Variants in MUC7 observed in about 807,000 individuals in gnomAD.
MUC7 encodes mucin 7, secreted.
MUC7 carries 2 observed loss-of-function variants against 2.5 expected under a neutral mutation model. That is an observed-to-expected ratio of 0.81 (90% CI 0.33 to 2.55). The LOEUF is 2.55. Ranked by LOEUF, MUC7 falls within the 30% of genes most tolerant of loss-of-function variation. MUC7 has a pLI of 0.11. For missense variants in MUC7, 408 were observed against 455.6 expected (o/e 0.90, Z 0.95); for synonymous variants, 133 against 173.4 (o/e 0.77, Z 1.83).
chr4:70,444,566 G>T (rs561326437), intron 1 of MUC7, among the ~76,000 whole-genome samples: 1 of 152,252 alleles, frequency 6.6e-6, no homozygotes, highest in South Asian at 2.1e-4. Context: ...TGAAATGGTC[G>T]CTTCTGACAC....
At chr4:70,470,086 G>A (rs11249501), upstream of MUC7, among the ~76,000 whole-genome samples, 51,280 of 152,040 alleles carry the variant, frequency 0.34, 9,609 homozygotes, top group Admixed American at 0.43. Context: ...CATAAAAAAG[G>A]ATGAGTTCAT....
rs930322414 is a variant in MUC7, at chr4:70,455,191, A to T, written c.-92-17024A>T. On this transcript the variant is annotated intron_variant, in intron 1 of 3. Transcript: ENST00000413702. ...GAAGCATATATTGTCTTCCACAACA[A>T]TTAAGAGTGAGCCCCCTCTGTGTCT... Among the ~76,000 whole-genome samples the T allele has an allele frequency of 2.6e-5, 4 of 152,262 alleles. No homozygotes were observed. The South Asian group carries it at 8.3e-4, about 32-fold the overall frequency.
At chr4:70,444,861 G>A (rs1386911184) in intron 1 of MUC7, among the ~76,000 whole-genome samples, 1 of 152,086 alleles carries the variant, frequency 6.6e-6, no homozygotes, top group Non-Finnish European at 1.5e-5. Flanking sequence ...AGACCAGCCT[G>A]GCCAACATGG....
chr4:70,466,561 G>A (rs1057157932), intron 1 of MUC7, among the ~76,000 whole-genome samples: 2 of 151,570 alleles, frequency 1.3e-5, no homozygotes, highest in Admixed American at 6.6e-5. Context: ...AGACATGGAG[G>A]AATGTTTACC....
At position 70,460,493 on chromosome 4, in the gene MUC7, G is replaced by C. The variant is rs143406828; in HGVS notation, c.-92-11722G>C. Among the ~76,000 whole-genome samples the C allele has an allele frequency of 5.4e-3, 818 of 150,726 alleles. 9 individuals carry two copies. Among genetic ancestry groups the C allele is most frequent in the African/African-American group, 0.019 (771 of 41,078 alleles). The stretch of plus-strand genomic sequence containing the variant: ...TTCTTTTTTTTTTTTGAGATGGAGT[G>C]GGGGATGGAATCTCACTCTCCACTT... On this transcript the variant is annotated intron_variant, in intron 1 of 3. Transcript: ENST00000413702.
intron 2 of MUC7, among the ~76,000 whole-genome samples, chr4:70,476,218 T>G (rs1057145817): frequency 6.6e-6 from 1 of 152,242 alleles, no homozygotes; most frequent in Non-Finnish European, 1.5e-5. Flanking sequence ...GATAAGGCTT[T>G]AAGTTCTGAA....
At chr4:70,435,183 G>A (rs556562358) in intron 1 of MUC7, among the ~76,000 whole-genome samples, 1 of 152,314 alleles carries the variant, frequency 6.6e-6, no homozygotes, top group African/African-American at 2.4e-5. Context: ...TGTATATTCT[G>A]TTGACTTGGG....
Position 70,476,485 on chromosome 4 carries a change from G to A in MUC7, c.54+2410G>A, listed in dbSNP as rs370642461. Among the ~76,000 whole-genome samples, 77 of 152,262 alleles carry A rather than the reference G, an allele frequency of 5.1e-4. 2 individuals are homozygous for A. The South Asian group carries it at 0.016, about 31-fold the overall frequency. On this transcript the variant is annotated intron_variant, in intron 2 of 2. Coordinates refer to ENST00000304887, the MANE Select transcript of MUC7 (RefSeq NM_152291.3). ...TGCCCAAATCTCAAAAAAGTGCCTG[G>A]TGAGAGAAAGAGTTTCCAAAGAACT...
intron 1 of MUC7, 108 bp downstream of exon 1, chr4:70,472,399 T>C (rs558094220): frequency 6.6e-6 from 1 of 152,352 alleles, no homozygotes; most frequent in South Asian, 2.1e-4. Flanking sequence ...TTCTCCTCTC[T>C]TCTTATGAAC....
intron 1 of MUC7, among the ~76,000 whole-genome samples, chr4:70,449,442 G>A (rs1413123319): frequency 6.6e-6 from 1 of 152,032 alleles, no homozygotes; most frequent in African/African-American, 2.4e-5. Context: ...AACAGTATGG[G>A]GAAAACCACC....
chr4:70,435,578 G>A (rs760527615), intron 1 of MUC7, among the ~76,000 whole-genome samples: 13 of 152,142 alleles, frequency 8.5e-5, no homozygotes, highest in Admixed American at 5.2e-4. Flanking sequence ...CAACTCTGTA[G>A]TTTGAACCTA....
intron 1 of MUC7, among the ~76,000 whole-genome samples, chr4:70,452,390 T>C (rs1734300762): frequency 6.6e-6 from 1 of 152,200 alleles, no homozygotes; most frequent in Admixed American, 6.5e-5. Flanking sequence ...TATGTTTTCA[T>C]TTCTTGCTCC....
intron 1 of MUC7, among the ~76,000 whole-genome samples, chr4:70,456,681 T>C (rs1389294701): frequency 3.9e-5 from 6 of 152,156 alleles, no homozygotes; most frequent in Non-Finnish European, 7.4e-5. Flanking sequence ...AGCTACCTCC[T>C]TTGACACATG....
intron 1 of MUC7, among the ~76,000 whole-genome samples, chr4:70,452,625 T>C (rs1228754562): frequency 6.6e-6 from 1 of 152,216 alleles, no homozygotes; most frequent in Non-Finnish European, 1.5e-5. Flanking sequence ...TCTCTATTAA[T>C]GTCTTATGGT....
At chr4:70,450,182 C>T (rs149890831) in intron 1 of MUC7, among the ~76,000 whole-genome samples, 198 of 152,326 alleles carry the variant, frequency 1.3e-3, no homozygotes, top group African/African-American at 4.4e-3. Context: ...GTCCTTCCAC[C>T]TCTTTCCTCC....
At chr4:70,461,982 C>A (rs1216127573) in intron 1 of MUC7, among the ~76,000 whole-genome samples, 1 of 152,126 alleles carries the variant, frequency 6.6e-6, no homozygotes, top group Non-Finnish European at 1.5e-5. Flanking sequence ...GACGCCAAGG[C>A]AGGAAGATCA....
intron 1 of MUC7, among the ~76,000 whole-genome samples, chr4:70,455,550 G>T (rs1385904301): frequency 6.6e-6 from 1 of 152,088 alleles, no homozygotes; most frequent in Non-Finnish European, 1.5e-5. Flanking sequence ...GTGAGCTGTT[G>T]AGTGCCTTAT....
chr4:70,442,143 T>G (rs1256814232), intron 1 of MUC7, among the ~76,000 whole-genome samples: 1 of 152,228 alleles, frequency 6.6e-6, no homozygotes, highest in Non-Finnish European at 1.5e-5. Flanking sequence ...TTCATCTCCT[T>G]GGTAAACACT....
chr4:70,446,930 A>C (rs1184209045), intron 1 of MUC7, among the ~76,000 whole-genome samples: 2 of 152,196 alleles, frequency 1.3e-5, no homozygotes, highest in East Asian at 3.8e-4. Context: ...TCTTATATTA[A>C]TATTATTGCA....
Sources: gnomAD v4.1 joint callset for allele counts (sites outside exome capture counted in the v4.1 genomes callset) on GRCh38, gnomAD v4.1.1 for gene constraint, MANE v1.5 for transcripts, NCBI Gene and HGNC (gene_info 2026-07-23, HGNC 2026-07-21) for gene names.